The following STRN variants were observed in gnomAD, a reference collection of about 807,000 sequenced individuals.
STRN encodes the protein protein phosphatase 2 regulatory subunit B'''alpha.
A neutral mutation model predicts 96.3 loss-of-function variants in STRN; 53 were observed. That is an observed-to-expected ratio of 0.55 (90% CI 0.44 to 0.69). The LOEUF is 0.69. STRN is among the 30% of genes least tolerant of loss of function. STRN has a pLI of 0.00. For missense variants in STRN, 987 were observed against 963.9 expected (o/e 1.02, Z -0.32); for synonymous variants, 428 against 355.9 (o/e 1.20, Z -2.28).
At chr2:36,940,908 T>C (rs1670829819) in intron 1 of STRN, among the ~76,000 whole-genome samples, 1 of 150,712 alleles carries the variant, frequency 6.6e-6, no homozygotes, top group Admixed American at 6.6e-5. Context: ...ATCCCAGCAC[T>C]TTGGGAGGCC....
intron 1 of STRN, among the ~76,000 whole-genome samples, chr2:36,931,732 A>C (rs1670579104): frequency 6.6e-6 from 1 of 152,238 alleles, no homozygotes; most frequent in Non-Finnish European, 1.5e-5. Context: ...TGAATATAAA[A>C]ATAAACACAA....
intron 3 of STRN, among the ~76,000 whole-genome samples, chr2:36,912,072 C>A (rs1040770492): frequency 1.3e-5 from 2 of 152,184 alleles, no homozygotes; most frequent in Admixed American, 1.3e-4. Flanking sequence ...GTTAACCTAA[C>A]TTCCTACATT....
intron 8 of STRN, among the ~76,000 whole-genome samples, chr2:36,886,260 T>C (rs944084646): frequency 5.9e-5 from 9 of 152,172 alleles, no homozygotes; most frequent in Non-Finnish European, 1.2e-4. Context: ...GAACTGCATG[T>C]TATGAACACA....
chr2:36,864,751 G>A (rs191459740), intron 12 of STRN, among the ~76,000 whole-genome samples: 7 of 151,966 alleles, frequency 4.6e-5, no homozygotes, highest in East Asian at 1.9e-4. Context: ...CACTCTTGTC[G>A]CCCAGGCTGG....
intron 12 of STRN, among the ~76,000 whole-genome samples, chr2:36,864,321 T>G (rs1668567002): frequency 6.6e-6 from 1 of 152,152 alleles, no homozygotes; most frequent in South Asian, 2.1e-4. Flanking sequence ...TATTTTGGGG[T>G]ATGTTCCTTC....
chr2:36,851,757 T>C (rs1393420104), intron 15 of STRN, among the ~76,000 whole-genome samples: 5 of 152,200 alleles, frequency 3.3e-5, no homozygotes, highest in Non-Finnish European at 7.3e-5. Flanking sequence ...GAGATAATTC[T>C]CAAATTTAAA....
At chr2:36,913,987 T>G (rs1401691430) in intron 3 of STRN, among the ~76,000 whole-genome samples, 1 of 151,990 alleles carries the variant, frequency 6.6e-6, no homozygotes, top group African/African-American at 2.4e-5. Context: ...ATAAACTTGA[T>G]GATTTTTTTT....
At chr2:36,949,467 T>C (rs1450895453) in intron 1 of STRN, among the ~76,000 whole-genome samples, 1 of 152,200 alleles carries the variant, frequency 6.6e-6, no homozygotes, top group African/African-American at 2.4e-5. Flanking sequence ...CAATACTATG[T>C]AAACTACTTT....
chr2:36,849,441 A>G lies in STRN; in HGVS notation c.*15T>C, dbSNP rs775341436. ...TTACTTATAAACAGCTAGAAGGTGA[A>G]GATGATGCATTGCGTCATACAAAGA... On this transcript the variant is annotated 3_prime_UTR_variant, in exon 18 of 18. Transcript: ENST00000263918. The G allele has an allele frequency of 6.2e-7, 1 of 1,613,216 alleles. No individual in the cohort carries two copies. Among genetic ancestry groups the G allele is most frequent in the African/African-American group, 1.3e-5 (1 of 74,990 alleles).
At position 36,961,139 on chromosome 2, in the gene STRN, T is replaced by C. The variant is rs1241350649; in HGVS notation, c.234+5091A>G. Among the ~76,000 whole-genome samples, 3 of 143,102 alleles carry C rather than the reference T, an allele frequency of 2.1e-5. No individual in the cohort carries two copies. In the East Asian group the frequency reaches 6.0e-4, roughly 28 times the overall value. The allele number at this position is 143,102 out of a possible 152,430, so 93.9% of individuals were successfully genotyped here. A position where few individuals can be genotyped will look rare whatever the true frequency, so the allele number is the denominator to read the frequency against. The stretch of plus-strand genomic sequence containing the variant: ...ACTTTTTTTTTTTTTTTTTTTTTTT[T>C]TTTCTGAGACAGGGTCTCCTTCTGT... On this transcript the variant is annotated intron_variant, in intron 1 of 17. Coordinates refer to ENST00000263918, the MANE Select transcript of STRN (RefSeq NM_003162.4).
At chr2:36,900,755 T>C (rs368039339) in intron 5 of STRN, among the ~76,000 whole-genome samples, 3 of 151,994 alleles carry the variant, frequency 2.0e-5, no homozygotes, top group East Asian at 3.9e-4. Flanking sequence ...TAGCTGGGTG[T>C]AGTGGCGCAT....
chr2:36,953,523 C>T (rs1219712919), intron 1 of STRN, among the ~76,000 whole-genome samples: 1 of 151,950 alleles, frequency 6.6e-6, no homozygotes, highest in African/African-American at 2.4e-5. Context: ...CTGCCTCAGC[C>T]TCCCAAGTAG....
intron 1 of STRN, among the ~76,000 whole-genome samples, chr2:36,943,946 G>A (rs762443381): frequency 2.1e-4 from 32 of 151,262 alleles, no homozygotes; most frequent in African/African-American, 7.0e-4. Flanking sequence ...GTGAAACCCC[G>A]TCTCCATTAA....
chr2:36,913,815 G>A (rs1225403120), intron 3 of STRN, among the ~76,000 whole-genome samples: 1 of 152,200 alleles, frequency 6.6e-6, no homozygotes, highest in East Asian at 1.9e-4. Context: ...ATTTGAGTTA[G>A]GAAGTATTCC....
intron 1 of STRN, among the ~76,000 whole-genome samples, chr2:36,935,133 T>C (rs1186298333): frequency 6.6e-6 from 1 of 152,002 alleles, no homozygotes; most frequent in East Asian, 1.9e-4. Context: ...AGTAGACAGT[T>C]AGTCTTCAGA....
intron 3 of STRN, among the ~76,000 whole-genome samples, chr2:36,911,529 G>A (rs1669965164): frequency 6.6e-6 from 1 of 152,060 alleles, no homozygotes; most frequent in African/African-American, 2.4e-5. Context: ...TGTGACAGTG[G>A]CAAAGTTGAG....
rs1240955818 is a variant in STRN, at chr2:36,844,612, C to T, written c.*4844G>A. On this transcript the variant is annotated 3_prime_UTR_variant, in exon 18 of 18. Transcript: ENST00000263918. The stretch of plus-strand genomic sequence containing the variant: ...GAAAATTCTGACCCCCTAAGCACCA[C>T]TTTAGGAATACCGCCAGAATCAATG... 6.6e-6 allele frequency: 1 copy of T among 152,122 alleles called. No homozygotes were observed. Among genetic ancestry groups the T allele is most frequent in the Non-Finnish European group, 1.5e-5 (1 of 68,010 alleles). 9.4% of individuals were successfully genotyped at this position (152,122 alleles called of 1,614,324 possible).
intron 12 of STRN, among the ~76,000 whole-genome samples, chr2:36,863,609 C>T (rs1668548826): frequency 6.6e-6 from 1 of 152,160 alleles, no homozygotes; most frequent in African/African-American, 2.4e-5. Flanking sequence ...TAATGTGATG[C>T]CTCCAGCTTT....
At chr2:36,878,313 G>A in intron 9 of STRN, among the ~76,000 whole-genome samples, 1 of 152,140 alleles carries the variant, frequency 6.6e-6, no homozygotes, top group East Asian at 1.9e-4. Flanking sequence ...AATGACTATA[G>A]GAAAGTAAGT....
Sources: allele counts gnomAD v4.1 joint callset (sites outside exome capture counted in the v4.1 genomes callset), GRCh38; gene constraint gnomAD v4.1.1; transcripts MANE v1.5; gene names NCBI Gene and HGNC (gene_info 2026-07-23, HGNC 2026-07-21).